The following AGTPBP1 variants were observed in gnomAD, a reference collection of about 807,000 sequenced individuals.
The protein encoded by AGTPBP1 is ATP/GTP binding carboxypeptidase 1.
In AGTPBP1, 70 loss-of-function variants were observed where a neutral mutation model predicts 143.9. That is an observed-to-expected ratio of 0.49 (90% confidence interval 0.40 to 0.59). The LOEUF (loss-of-function observed/expected upper bound fraction) is 0.59, where lower values mean the gene tolerates loss of function less well. Ranked by LOEUF, AGTPBP1 falls within the 20% of genes least tolerant of loss-of-function variation. The pLI is 0.00. For synonymous variants in AGTPBP1, 463 were observed against 500.2 expected (o/e 0.93, Z 0.99); for missense variants, 1,229 against 1,464.5 (o/e 0.84, Z 2.62).
chr9:85,773,734 C>T, the AGTPBP1 span: 1,535 of 659,814 alleles, frequency 2.3e-3, 20 homozygotes, highest in African/African-American at 0.023. Context: ...ATCATTTACA[C>T]TATGGAGATT....
intron 1 of AGTPBP1, among the ~76,000 whole-genome samples, chr9:85,728,012 T>C (rs905316736): frequency 1.4e-5 from 2 of 146,422 alleles, no homozygotes; most frequent in African/African-American, 5.2e-5. Context: ...AGACCGTGTC[T>C]CAAAATATAT....
At chr9:85,798,460 T>C in the AGTPBP1 span, among the ~76,000 whole-genome samples, 5 of 151,280 alleles carry the variant, frequency 3.3e-5, no homozygotes, top group African/African-American at 9.7e-5. Context: ...CTCCGCCTCC[T>C]GGGTTCAAGC....
rs769779277 is a variant in AGTPBP1, at chr9:85,657,419, G to T, written c.909+16C>A. 5.0e-6 allele frequency: 8 copies of T among 1,588,894 alleles called. No individual in the cohort carries two copies. The highest frequency in any genetic ancestry group is 6.9e-6 in the Non-Finnish European group (8 of 1,163,662). On this transcript the variant is annotated intron_variant, in intron 10 of 25. Coordinates refer to ENST00000357081, the MANE Select transcript of AGTPBP1 (RefSeq NM_001330701.2). Reference sequence around the variant, plus strand: ...TATTAGTACATAATCACAATAATAAGAAGAAAATAACTCACTTGCGAAGTA... The same window carrying T: ...TATTAGTACATAATCACAATAATAATAAGAAAATAACTCACTTGCGAAGTA...
chr9:85,773,663 G>A, the AGTPBP1 span, among the ~76,000 whole-genome samples: 3 of 152,052 alleles, frequency 2.0e-5, no homozygotes, highest in Non-Finnish European at 4.4e-5. Flanking sequence ...TCAAAAGGCT[G>A]TTAGGTTGTT....
the AGTPBP1 span, among the ~76,000 whole-genome samples, chr9:85,747,903 T>C: frequency 5.9e-5 from 9 of 152,314 alleles, no homozygotes; most frequent in East Asian, 3.9e-4. Flanking sequence ...TAAGCATGTA[T>C]GTGTCATCTT....
intron 2 of AGTPBP1, among the ~76,000 whole-genome samples, chr9:85,701,816 T>C (rs976438505): frequency 6.6e-6 from 1 of 152,224 alleles, no homozygotes; most frequent in African/African-American, 2.4e-5. Flanking sequence ...GGAAAAAATG[T>C]GAATTCCTTT....
chr9:85,647,789 G>A (rs1336437693), intron 11 of AGTPBP1, among the ~76,000 whole-genome samples: 2 of 152,188 alleles, frequency 1.3e-5, no homozygotes, highest in African/African-American at 4.8e-5. Context: ...ATAAGGAAGT[G>A]AAATGATATC....
Position 85,621,229 on chromosome 9 carries a change from C to A in AGTPBP1, c.2072G>T (p.Arg691Leu). Residue 691 changes from arginine to leucine, a missense_variant, in exon 15 of 26, where the codon CGT (arginine) becomes CTT (leucine). Physicochemically the swap from Arg to Leu is moderately radical, Grantham distance 102 (BLOSUM62 -2). Transcript: ENST00000357081. ...RLIHQSDIID[R>L]VVYDLDNPNY... is the part of the protein sequence containing the mutation. Reference sequence around the variant, plus strand: ...TGGGTTATCCAAGTCATATACCACACGATCTATGATATCACTCTGATGTAT... The same window carrying A: ...TGGGTTATCCAAGTCATATACCACAAGATCTATGATATCACTCTGATGTAT... 3 of 1,471,374 alleles carry A rather than the reference C, an allele frequency of 2.0e-6. No individual in the cohort carries two copies. The highest frequency in any genetic ancestry group is 2.7e-6 in the Non-Finnish European group (3 of 1,118,254). The allele number at this position is 1,471,374 out of a possible 1,614,324, so 91.1% of individuals were successfully genotyped here.
chr9:85,572,960 TAAC>T (rs1827608616), intron 25 of AGTPBP1, among the ~76,000 whole-genome samples: 1 of 152,130 alleles, frequency 6.6e-6, no homozygotes. Flanking sequence ...AGTTAATACC[TAAC>T]AACAAAAATC....
At chr9:85,610,064 T>C (rs915705358) in intron 17 of AGTPBP1, among the ~76,000 whole-genome samples, 4 of 152,182 alleles carry the variant, frequency 2.6e-5, no homozygotes, top group African/African-American at 9.6e-5. Context: ...CAGAGGAGAC[T>C]TGAATTAACT....
intron 20 of AGTPBP1, 45 bp downstream of exon 20, chr9:85,589,483 G>C: frequency 6.4e-7 from 1 of 1,557,784 alleles, no homozygotes; most frequent in Non-Finnish European, 8.7e-7. Flanking sequence ...GCAAATCAAA[G>C]TAGGTGAGAA....
At chr9:85,720,822 C>CA (rs1564181567) in intron 1 of AGTPBP1, among the ~76,000 whole-genome samples, 1 of 152,112 alleles carries the variant, frequency 6.6e-6, no homozygotes, top group Admixed American at 6.6e-5. Context: ...TTTTTCTCTA[C>CA]ACACTGCTTT....
the AGTPBP1 span, among the ~76,000 whole-genome samples, chr9:85,790,811 C>T: frequency 4.6e-5 from 7 of 152,232 alleles, no homozygotes; most frequent in Admixed American, 4.6e-4. Flanking sequence ...AAACAACAAT[C>T]TCATAGTCTG....
chr9:85,760,362 A>T, the AGTPBP1 span, among the ~76,000 whole-genome samples: 1 of 152,212 alleles, frequency 6.6e-6, no homozygotes, highest in African/African-American at 2.4e-5. Flanking sequence ...TCGATGCAAA[A>T]ATCCTCAATA....
chr9:85,632,900 A>G lies in AGTPBP1; in HGVS notation c.1777T>C (p.Cys593Arg). ...TCTTCAGTTTCAACTCCAGTGCAGC[A>G]AAGCTTCCCTAGCTGAACTGTTCTT... ...EGRTVQLGKL[C>R]CTGVETEDDE... The change falls in exon 14 of 26, where the codon TGC becomes CGC. Residue 593 changes from cysteine to arginine, a missense_variant. Physicochemically the swap from Cys to Arg is radical, Grantham distance 180 (BLOSUM62 -3). Transcript: ENST00000357081. The G allele has an allele frequency of 6.2e-7, 1 of 1,614,174 alleles. No homozygotes were observed. Among genetic ancestry groups the G allele is most frequent in the Non-Finnish European group, 8.5e-7 (1 of 1,180,030 alleles).
At chr9:85,553,978 C>T (rs1297482325) in intron 25 of AGTPBP1, 1 of 152,190 alleles carries the variant, frequency 6.6e-6, no homozygotes. Flanking sequence ...TCTGGGATAA[C>T]CAACCTTTAC....
At chr9:85,624,734 T>C (rs943173719) in intron 14 of AGTPBP1, among the ~76,000 whole-genome samples, 1 of 152,210 alleles carries the variant, frequency 6.6e-6, no homozygotes, top group Admixed American at 6.5e-5. Flanking sequence ...AAATCAAGTA[T>C]GATATAAAAG....
the AGTPBP1 span, among the ~76,000 whole-genome samples, chr9:85,801,032 C>A: frequency 1.3e-5 from 2 of 152,078 alleles, no homozygotes; most frequent in Non-Finnish European, 2.9e-5. Flanking sequence ...AATTTTTGGG[C>A]CGGGTACTGT....
intron 15 of AGTPBP1, among the ~76,000 whole-genome samples, chr9:85,620,006 TTAAA>T (rs911981587): frequency 2.0e-4 from 31 of 152,190 alleles, no homozygotes; most frequent in South Asian, 4.1e-4. Flanking sequence ...GTTGAAATAA[TTAAA>T]TAAATAAGGT....
Sources: allele counts gnomAD v4.1 joint callset (sites outside exome capture counted in the v4.1 genomes callset), GRCh38; gene constraint gnomAD v4.1.1; transcripts MANE v1.5; gene names NCBI Gene and HGNC (gene_info 2026-07-23, HGNC 2026-07-21).